The following PTPRG variants were observed in gnomAD, a reference collection of about 807,000 sequenced individuals.
PTPRG encodes the protein protein tyrosine phosphatase receptor type G.
A neutral mutation model predicts 165.3 loss-of-function variants in PTPRG; 102 were observed. The observed-to-expected ratio is 0.62, with a 90% CI of 0.53 to 0.73. PTPRG has a LOEUF of 0.73. Among genes scored for constraint, PTPRG ranks in the 30% least tolerant of loss-of-function variants. The pLI is 0.00. For synonymous variants in PTPRG, 675 were observed against 669.5 expected (o/e 1.01, Z -0.13); for missense variants, 1,866 against 1,861.4 (o/e 1.00, Z -0.05).
At chr3:62,152,890 G>C (rs576573219) in intron 6 of PTPRG, among the ~76,000 whole-genome samples, 1 of 152,146 alleles carries the variant, frequency 6.6e-6, no homozygotes, top group African/African-American at 2.4e-5. Context: ...GAATATGACC[G>C]AAGGCCAAAT....
chr3:61,852,611 G>A (rs1352983857), intron 2 of PTPRG, among the ~76,000 whole-genome samples: 1 of 152,200 alleles, frequency 6.6e-6, no homozygotes, highest in Non-Finnish European at 1.5e-5. Context: ...CTGAGTCCCA[G>A]AGAGTTAAAT....
In PTPRG at chr3:61,844,766, G is replaced by A. The variant is rs994519659; in HGVS notation, c.190+95784G>A. On this transcript the variant is annotated intron_variant, in intron 2 of 29. Coordinates refer to ENST00000474889, the MANE Select transcript of PTPRG (RefSeq NM_002841.4). Reference sequence around the variant, plus strand: ...AGTCCTACCGCCTTGGTCTCCTAAAGTGCTGGGATTACAGGCATGAGCCAC... The same window carrying A: ...AGTCCTACCGCCTTGGTCTCCTAAAATGCTGGGATTACAGGCATGAGCCAC... Among the ~76,000 whole-genome samples, 7 of 151,908 alleles carry A rather than the reference G, an allele frequency of 4.6e-5. No homozygotes were observed. In the South Asian group the frequency reaches 1.5e-3, roughly 32 times the overall value.
chr3:61,980,185 C>A (rs2040607947), intron 2 of PTPRG, among the ~76,000 whole-genome samples: 1 of 152,176 alleles, frequency 6.6e-6, no homozygotes, highest in Non-Finnish European at 1.5e-5. Flanking sequence ...CAGACCTTAA[C>A]TGCCAGTTTT....
intron 4 of PTPRG, among the ~76,000 whole-genome samples, chr3:62,033,361 ATTT>A (rs199968064): frequency 0.015 from 1,915 of 124,276 alleles, 39 homozygotes; most frequent in African/African-American, 0.055. Context: ...CTCCCTATAC[ATTT>A]TTTTTTTTTT....
chr3:62,293,218 G>A lies in PTPRG; in HGVS notation c.4249G>A (p.Gly1417Arg). Residue 1417 changes from glycine (G) to arginine (R), a missense_variant, in exon 30 of 30, where the codon GGA (glycine) becomes AGA (arginine). Physicochemically the swap from Gly to Arg is moderately radical, Grantham distance 125. Coordinates refer to ENST00000474889, the MANE Select transcript of PTPRG (RefSeq NM_002841.4). ...TAGCTTGGTCAGCACTAAAGAAAAT[G>A]GAAATGGTCCCATGACAGTAGACAA... is the stretch of plus-strand genomic sequence containing the variant. ...MLSLVSTKEN[G>R]NGPMTVDKNG... 1.2e-6 allele frequency: 2 copies of A among 1,611,206 alleles called. No homozygotes were observed. Among genetic ancestry groups the A allele is most frequent in the Non-Finnish European group, 1.7e-6 (2 of 1,178,880 alleles).
intron 2 of PTPRG, among the ~76,000 whole-genome samples, chr3:61,833,097 A>G (rs372708365): frequency 2.1e-5 from 2 of 95,592 alleles, no homozygotes; most frequent in South Asian, 3.0e-4. Context: ...GTGTGTGTGT[A>G]CACAGTTTCT....
chr3:62,034,728 C>T (rs1699887798), intron 4 of PTPRG, among the ~76,000 whole-genome samples: 1 of 152,124 alleles, frequency 6.6e-6, no homozygotes, highest in Non-Finnish European at 1.5e-5. Flanking sequence ...TTTTAAATGT[C>T]CGTGCTGGCA....
chr3:61,948,426 A>G (rs2039817620), intron 2 of PTPRG, among the ~76,000 whole-genome samples: 1 of 152,178 alleles, frequency 6.6e-6, no homozygotes, highest in Admixed American at 6.5e-5. Context: ...ATGGCCAGGC[A>G]TTGTTCTAGG....
At chr3:61,747,198 C>A (rs1323106261) in intron 1 of PTPRG, among the ~76,000 whole-genome samples, 1 of 152,156 alleles carries the variant, frequency 6.6e-6, no homozygotes, top group African/African-American at 2.4e-5. Flanking sequence ...CTTGCGTTAT[C>A]TTTGTAACAG....
intron 15 of PTPRG, among the ~76,000 whole-genome samples, chr3:62,251,021 C>A (rs142863710): frequency 2.0e-5 from 3 of 152,146 alleles, no homozygotes; most frequent in African/African-American, 7.2e-5. Context: ...ATTTTATAAT[C>A]GGGTGATTTA....
At chr3:62,094,157 A>G (rs1702033855) in intron 5 of PTPRG, among the ~76,000 whole-genome samples, 1 of 152,168 alleles carries the variant, frequency 6.6e-6, no homozygotes, top group Admixed American at 6.5e-5. Flanking sequence ...AGAAAACGGT[A>G]GGATTTGAAG....
intron 1 of PTPRG, among the ~76,000 whole-genome samples, chr3:61,737,561 T>A (rs1285456005): frequency 6.6e-6 from 1 of 152,154 alleles, no homozygotes; most frequent in Non-Finnish European, 1.5e-5. Flanking sequence ...CGATGGGCTA[T>A]TGAGTGGCTG....
chr3:61,820,281 G>A (rs2035912291), intron 2 of PTPRG, among the ~76,000 whole-genome samples: 2 of 152,110 alleles, frequency 1.3e-5, no homozygotes, highest in South Asian at 2.1e-4. Flanking sequence ...AGAAACTTAT[G>A]GCCCTGGTTA....
At chr3:61,705,627 A>G (rs1264059746) in intron 1 of PTPRG, among the ~76,000 whole-genome samples, 2 of 152,212 alleles carry the variant, frequency 1.3e-5, no homozygotes, top group Admixed American at 1.3e-4. Flanking sequence ...ATGTTAAATG[A>G]ATCAGGTGTT....
intron 4 of PTPRG, among the ~76,000 whole-genome samples, chr3:62,016,656 A>G (rs1239963404): frequency 6.6e-6 from 1 of 152,162 alleles, no homozygotes; most frequent in Non-Finnish European, 1.5e-5. Context: ...TTATCCAGTA[A>G]CCAAAGCTTT....
At chr3:61,620,784 A>G (rs1432269327) in intron 1 of PTPRG, among the ~76,000 whole-genome samples, 1 of 151,922 alleles carries the variant, frequency 6.6e-6, no homozygotes, top group South Asian at 2.1e-4. Flanking sequence ...GTGTGCCACC[A>G]TGCCCAGCTA....
chr3:61,929,214 T>A (rs930766738), intron 2 of PTPRG, among the ~76,000 whole-genome samples: 5 of 152,192 alleles, frequency 3.3e-5, no homozygotes, highest in Admixed American at 2.0e-4. Context: ...CCTTCTTTTT[T>A]AAAATAACAG....
intron 2 of PTPRG, among the ~76,000 whole-genome samples, chr3:61,855,906 G>A (rs1296168382): frequency 6.6e-6 from 1 of 151,976 alleles, no homozygotes; most frequent in African/African-American, 2.4e-5. Context: ...TGTGGAATGG[G>A]GGAGTGGGTT....
chr3:61,943,798 G>A (rs28376481), intron 2 of PTPRG, among the ~76,000 whole-genome samples: 11,574 of 152,064 alleles, frequency 0.076, 912 homozygotes, highest in East Asian at 0.44. Context: ...TGAATGAAAT[G>A]GCAGGGCCTA....
Sources: gnomAD v4.1 joint callset for allele counts (sites outside exome capture counted in the v4.1 genomes callset) on GRCh38, gnomAD v4.1.1 for gene constraint, MANE v1.5 for transcripts, NCBI Gene and HGNC (gene_info 2026-07-23, HGNC 2026-07-21) for gene names.